ADGRB1: variants seen among roughly 807,000 people sequenced by gnomAD.
The protein encoded by ADGRB1 is adhesion G protein-coupled receptor B1, also known as brain-specific angiogenesis inhibitor 1.
ADGRB1 carries 36 observed loss-of-function variants against 175.7 expected under a neutral mutation model. That is an observed-to-expected ratio of 0.20 (90% CI 0.16 to 0.27). The LOEUF (loss-of-function observed/expected upper bound fraction) is 0.27. Among genes scored for constraint, ADGRB1 ranks in the 10% least tolerant of loss-of-function variants. The pLI is 1.00. For missense variants in ADGRB1, 1,731 were observed against 2,255.3 expected, an observed-to-expected ratio of 0.77 and a Z score of 4.71; for synonymous variants, 1,054 against 979.4, an observed-to-expected ratio of 1.08 and a Z score of -1.42.
At chr8:142,509,164 G>A (rs1239927550) in intron 17 of ADGRB1, among the ~76,000 whole-genome samples, 1 of 152,232 alleles carries the variant, frequency 6.6e-6, no homozygotes, top group African/African-American at 2.4e-5. Context: ...GAGGGAGATT[G>A]AGCAACATCC....
intron 26 of ADGRB1, among the ~76,000 whole-genome samples, chr8:142,539,052 T>G (rs1353098899): frequency 6.6e-6 from 1 of 151,952 alleles, no homozygotes; most frequent in Admixed American, 6.5e-5. Context: ...TACAAAACAC[T>G]CAGATGCATT....
chr8:142,500,086 C>T (rs1020596196), intron 17 of ADGRB1, among the ~76,000 whole-genome samples: 1 of 152,194 alleles, frequency 6.6e-6, no homozygotes, highest in South Asian at 2.1e-4. Flanking sequence ...CGACTGGGGC[C>T]CCCAGGGCTT....
intron 24 of ADGRB1, among the ~76,000 whole-genome samples, chr8:142,526,973 T>A (rs1587416346): frequency 6.6e-6 from 1 of 152,160 alleles, no homozygotes; most frequent in Non-Finnish European, 1.5e-5. Context: ...GGCCCCCCAC[T>A]CCCCTACCAC....
At chr8:142,496,570 G>A (rs186283028) in intron 17 of ADGRB1, among the ~76,000 whole-genome samples, 10 of 152,336 alleles carry the variant, frequency 6.6e-5, no homozygotes, top group Admixed American at 1.3e-4. Flanking sequence ...TGTTTTACAC[G>A]TAAGAGTTGC....
At chr8:142,461,538 C>T (rs907199096) in intron 1 of ADGRB1, among the ~76,000 whole-genome samples, 1 of 152,218 alleles carries the variant, frequency 6.6e-6, no homozygotes, top group Non-Finnish European at 1.5e-5. Context: ...AGGCCCTAGA[C>T]TCCGTGCCCG....
Position 142,464,150 on chromosome 8 carries a change from C to G in ADGRB1, c.-49C>G, listed in dbSNP as rs1324253858. On this transcript the variant is annotated 5_prime_UTR_variant, in exon 2 of 31. Transcript: ENST00000517894. ...GACCCTGGCATGTCAAGACCTGGTC[C>G]GCGCCTGCCTGCCCAGCCCGCGGAA... 4.0e-6 allele frequency: 5 copies of G among 1,242,966 alleles called. No homozygotes were observed. The highest frequency in any genetic ancestry group is 5.0e-6 in the Non-Finnish European group (5 of 996,960). 77.0% of individuals were successfully genotyped at this position (1,242,966 alleles called of 1,614,324 possible). A position where few individuals can be genotyped will look rare whatever the true frequency, so the allele number is the denominator to read the frequency against.
intron 2 of ADGRB1, among the ~76,000 whole-genome samples, chr8:142,465,473 G>C (rs1840225633): frequency 6.6e-6 from 1 of 152,084 alleles, no homozygotes; most frequent in Non-Finnish European, 1.5e-5. Context: ...GCGTGGAAGG[G>C]TCGGCAGGTG....
At chr8:142,518,407 C>A (rs1450231072) in intron 19 of ADGRB1, among the ~76,000 whole-genome samples, 166 bp downstream of exon 19, 10 of 46,712 alleles carry the variant, frequency 2.1e-4, no homozygotes, top group African/African-American at 7.4e-4. Context: ...GTGGCCCCTC[C>A]GAGGCCTCCA....
intron 1 of ADGRB1, among the ~76,000 whole-genome samples, chr8:142,456,649 C>T (rs1345235475): frequency 6.6e-6 from 1 of 152,258 alleles, no homozygotes; most frequent in Non-Finnish European, 1.5e-5. Context: ...CGAGGCTGCT[C>T]ACCTACTGGA....
chr8:142,505,256 C>T lies in ADGRB1; in HGVS notation c.2676-5676C>T, dbSNP rs149012315. Among the ~76,000 whole-genome samples, 680 of 152,316 alleles carry T rather than the reference C, an allele frequency of 4.5e-3. 10 individuals carry two copies. Among genetic ancestry groups the T allele is most frequent in the African/African-American group, 0.016 (652 of 41,576 alleles). Reference sequence around the variant, plus strand: ...TAGAGCTGGCTGCTGGACCCCCTGCCGGGCTGGACAAGCATCGTCTAGGCG... The same window carrying T: ...TAGAGCTGGCTGCTGGACCCCCTGCTGGGCTGGACAAGCATCGTCTAGGCG... On this transcript the variant is annotated intron_variant, in intron 17 of 30. Transcript: ENST00000517894.
At chr8:142,483,670 TCA>T (rs200211187) in intron 11 of ADGRB1, among the ~76,000 whole-genome samples, 1 of 134,486 alleles carries the variant, frequency 7.4e-6, no homozygotes, top group African/African-American at 2.9e-5. Flanking sequence ...CTGATCCTGG[TCA>T]CACACTGAGC....
chr8:142,541,511 A>G (rs1845269638), intron 27 of ADGRB1, among the ~76,000 whole-genome samples: 1 of 152,032 alleles, frequency 6.6e-6, no homozygotes, highest in Admixed American at 6.5e-5. Context: ...ACTGCCCCCC[A>G]CCCACACAAG....
chr8:142,480,442 A>G (rs1563696195), intron 9 of ADGRB1, among the ~76,000 whole-genome samples: 1 of 152,028 alleles, frequency 6.6e-6, no homozygotes, highest in African/African-American at 2.4e-5. Context: ...GGACGGTGGC[A>G]GGGGCCCTGT....
chr8:142,483,114 T>C (rs1239365932), intron 11 of ADGRB1, among the ~76,000 whole-genome samples: 1 of 145,956 alleles, frequency 6.9e-6, no homozygotes, highest in Non-Finnish European at 1.5e-5. Context: ...GGTCACCTGC[T>C]GAACCCTGAC....
rs972098516 is a variant in ADGRB1, at chr8:142,464,283, C to A, written c.85C>A (p.Arg29=). The change falls in exon 2 of 31, where the codon CGG becomes AGG. Residue 29 remains arginine, a synonymous_variant. Coordinates refer to ENST00000517894, the MANE Select transcript of ADGRB1 (RefSeq NM_001702.3). ...LLLLLLGRRA[R]AAAGADAGPG... ...GCTGCTGCTGCTGGGACGCCGCGCG[C>A]GGGCGGCCGCCGGAGCAGACGCGGG... 79 of 1,363,948 alleles carry A rather than the reference C, an allele frequency of 5.8e-5. No individual in the cohort carries two copies. The highest frequency in any genetic ancestry group is 7.2e-5 in the Non-Finnish European group (77 of 1,067,118). 84.5% of individuals were successfully genotyped at this position (1,363,948 alleles called of 1,614,324 possible).
intron 17 of ADGRB1, among the ~76,000 whole-genome samples, chr8:142,500,494 G>A (rs1433414555): frequency 6.6e-6 from 1 of 150,976 alleles, no homozygotes; most frequent in Non-Finnish European, 1.5e-5. Context: ...CATGTGGAGG[G>A]GCGGCTGCAG....
chr8:142,504,545 G>C lies in ADGRB1; in HGVS notation c.2676-6387G>C, dbSNP rs1413343287. Among the ~76,000 whole-genome samples the C allele has an allele frequency of 1.3e-5, 2 of 152,114 alleles. No individual in the cohort carries two copies. The highest frequency in any genetic ancestry group is 1.3e-4 in the Admixed American group (2 of 15,286). On this transcript the variant is annotated intron_variant, in intron 17 of 30. Transcript: ENST00000517894. The surrounding 1 kb of genome is among the most constrained non-coding windows in gnomAD (Gnocchi z 5.6). ...GAGCCCAGCACAGCGGTGGGGAAGG[G>C]TCTGGCTGAGGGTCAGGAGCAATGC...
rs1845302970 is a variant in ADGRB1, at chr8:142,542,041, C to T, written c.3807C>T (p.Ala1269=). The T allele has an allele frequency of 6.2e-7, 1 of 1,611,196 alleles. No individual in the cohort carries two copies. The highest frequency in any genetic ancestry group is 1.7e-5 in the Admixed American group (1 of 59,846). Residue 1269 remains alanine (A), a synonymous_variant, in exon 28 of 31, where the codon GCC becomes GCT. Coordinates refer to ENST00000517894, the MANE Select transcript of ADGRB1 (RefSeq NM_001702.3). This position sits in a 1 kb window ranked among gnomAD's most constrained non-coding sequence, Gnocchi z 6.3. ...PEEEKLKLAH[A]KGPPTNFNSL... is the part of the protein sequence containing the mutation. Reference sequence around the variant, plus strand: ...AGGAGAAGCTGAAGCTGGCCCATGCCAAGGGGCCGCCCACCAATTTCAACA... The same window carrying T: ...AGGAGAAGCTGAAGCTGGCCCATGCTAAGGGGCCGCCCACCAATTTCAACA...
chr8:142,499,378 C>T (rs1196698560), intron 17 of ADGRB1, among the ~76,000 whole-genome samples: 5 of 152,376 alleles, frequency 3.3e-5, no homozygotes, highest in Non-Finnish European at 7.3e-5. Flanking sequence ...CCTCCAAGTC[C>T]AGGACGGCTT....
Sources: allele counts gnomAD v4.1 joint callset (sites outside exome capture counted in the v4.1 genomes callset), GRCh38; gene constraint gnomAD v4.1.1; non-coding constraint Gnocchi (gnomAD v3.1); transcripts MANE v1.5; gene names NCBI Gene and HGNC (gene_info 2026-07-23, HGNC 2026-07-21).